Variants in GPR176 observed in about 807,000 individuals in gnomAD.
GPR176 encodes G-protein coupled receptor 176.
In GPR176, 26 loss-of-function variants were observed where a neutral mutation model predicts 35.4. The ratio of observed to expected loss-of-function variants is 0.74; its 90% CI spans 0.54 to 1.02. The LOEUF (loss-of-function observed/expected upper bound fraction) is 1.02. GPR176 is among the 50% of genes least tolerant of loss of function. The pLI, the probability that GPR176 is intolerant of heterozygous loss-of-function variation, is 0.00. For missense variants in GPR176, 597 were observed against 665.3 expected, an observed-to-expected ratio of 0.90 and a Z score of 1.13; for synonymous variants, 278 against 271.3, an observed-to-expected ratio of 1.02 and a Z score of -0.24.
intron 1 of GPR176, among the ~76,000 whole-genome samples, chr15:39,883,050 G>A (rs2032538177): frequency 6.6e-6 from 1 of 152,226 alleles, no homozygotes; most frequent in Non-Finnish European, 1.5e-5. Flanking sequence ...TGAACAGCAA[G>A]TTTGAAGATG....
chr15:39,848,855 A>AAAGCTTACTACTAAAAGC (rs1287332765), intron 1 of GPR176, among the ~76,000 whole-genome samples: 1 of 151,566 alleles, frequency 6.6e-6, no homozygotes, highest in East Asian at 1.9e-4. Context: ...AAAGCTTATA[A>AAAGCTTACTACTAAAAGC]TTAGGAATGA....
At chr15:39,849,667 T>G (rs2030714822) in intron 1 of GPR176, among the ~76,000 whole-genome samples, 1 of 152,082 alleles carries the variant, frequency 6.6e-6, no homozygotes, top group South Asian at 2.1e-4. Flanking sequence ...GGTCAATCAA[T>G]GAAGAAGAAG....
At chr15:39,910,043 A>G (rs927951048) in intron 1 of GPR176, 3 of 181,808 alleles carry the variant, frequency 1.7e-5, no homozygotes, top group Non-Finnish European at 3.2e-5. Flanking sequence ...AGGGAATATC[A>G]CCAGTGGAAG....
At chr15:39,810,173 A>T (rs1899457927) in intron 1 of GPR176, among the ~76,000 whole-genome samples, 1 of 152,010 alleles carries the variant, frequency 6.6e-6, no homozygotes, top group Non-Finnish European at 1.5e-5. Flanking sequence ...GTGATGAAAT[A>T]ATCTGTACAA....
intron 1 of GPR176, among the ~76,000 whole-genome samples, chr15:39,896,848 C>T (rs943940711): frequency 1.3e-5 from 2 of 152,138 alleles, no homozygotes; most frequent in African/African-American, 4.8e-5. Context: ...CTAGCCTGGG[C>T]AACATGGGAA....
rs549339548 is a variant in GPR176 at position 39,799,406 on chromosome 15, C to G, written c.*1726G>C. On this transcript the variant is annotated 3_prime_UTR_variant, in exon 3 of 3. Transcript: ENST00000561100. ...GAGCCGCAGGAGGCTGTGGCAGCCC[C>G]GTTTCTGCTGTGAGCAAACAGTGCT... The G allele has an allele frequency of 6.6e-6, 1 of 152,348 alleles. No individual in the cohort carries two copies. The highest frequency in any genetic ancestry group is 1.5e-5 in the Non-Finnish European group (1 of 68,152). 9.4% of individuals were successfully genotyped at this position (152,348 alleles called of 1,614,324 possible). A position where few individuals can be genotyped will look rare whatever the true frequency, so the allele number is the denominator to read the frequency against.
At chr15:39,841,728 G>A (rs1368412526) in intron 1 of GPR176, among the ~76,000 whole-genome samples, 1 of 152,112 alleles carries the variant, frequency 6.6e-6, no homozygotes, top group Non-Finnish European at 1.5e-5. Flanking sequence ...GTTGTGTTAA[G>A]CCACCCAGTT....
At chr15:39,872,911 CTGTGTGTGTGTGTG>C (rs6145533) in intron 1 of GPR176, among the ~76,000 whole-genome samples, 6,246 of 141,416 alleles carry the variant, frequency 0.044, 166 homozygotes, top group Middle Eastern at 0.089. Flanking sequence ...TCCAAAATAT[CTGTGTGTGTGTGTG>C]TGTGTGTGTG....
At chr15:39,802,288 A>T in intron 2 of GPR176, 34 bp from the exon 3 acceptor site, 1 of 1,498,880 alleles carries the variant, frequency 6.7e-7, no homozygotes, top group Non-Finnish European at 9.0e-7. Flanking sequence ...AATTCCACAG[A>T]AGATACTTTT....
chr15:39,806,835 T>C (rs1046286570), intron 2 of GPR176, among the ~76,000 whole-genome samples, 171 bp downstream of exon 2: 2 of 152,182 alleles, frequency 1.3e-5, no homozygotes, highest in South Asian at 4.1e-4. Flanking sequence ...TGTTGCTAAA[T>C]CCACCTGTCC....
intron 1 of GPR176, among the ~76,000 whole-genome samples, chr15:39,808,211 C>T (rs1015261368): frequency 6.6e-6 from 1 of 152,078 alleles, no homozygotes; most frequent in Non-Finnish European, 1.5e-5. Flanking sequence ...GTAGGGTTTT[C>T]CCCTCAACTC....
At position 39,829,115 on chromosome 15, in the gene GPR176, C is replaced by T. The variant is rs1900889916; in HGVS notation, c.173-21857G>A. The T allele has an allele frequency of 2.2e-6, 3 of 1,355,880 alleles. No individual in the cohort carries two copies. In the South Asian group the frequency reaches 3.7e-5, roughly 17 times the overall value. 84.0% of individuals were successfully genotyped at this position (1,355,880 alleles called of 1,614,324 possible). A position where few individuals can be genotyped will look rare whatever the true frequency, so the allele number is the denominator to read the frequency against. ...TAGAAATAAGAAGCAGTGGAGCTGG[C>T]ATTCAGACAGAAGCAGTTGAACTCC... is the stretch of plus-strand genomic sequence containing the variant. On this transcript the variant is annotated intron_variant, in intron 1 of 2. Transcript: ENST00000561100.
intron 1 of GPR176, among the ~76,000 whole-genome samples, chr15:39,864,339 T>A (rs1304542867): frequency 6.6e-6 from 1 of 152,150 alleles, no homozygotes; most frequent in Non-Finnish European, 1.5e-5. Flanking sequence ...AATAAAGTCA[T>A]ATATTTACAG....
chr15:39,844,517 T>C (rs1366656201), intron 1 of GPR176, among the ~76,000 whole-genome samples: 1 of 151,668 alleles, frequency 6.6e-6, no homozygotes, highest in Admixed American at 6.6e-5. Context: ...TGAAAAGAGA[T>C]CAAGAAATCT....
intron 1 of GPR176, among the ~76,000 whole-genome samples, chr15:39,844,602 A>G (rs1007752282): frequency 7.9e-5 from 12 of 151,930 alleles, no homozygotes; most frequent in Non-Finnish European, 1.5e-4. Context: ...AAAAAAAAAA[A>G]TAGATCAGGT....
chr15:39,879,629 C>T (rs537491350), intron 1 of GPR176, among the ~76,000 whole-genome samples: 5 of 152,278 alleles, frequency 3.3e-5, no homozygotes, highest in African/African-American at 1.2e-4. Context: ...TAACACTTGA[C>T]AACATCGTGC....
rs2056434163 is a variant in GPR176, at chr15:39,800,167, T to G, written c.*965A>C. ...GACCCAGCTTACACTAACTCTCCAT[T>G]TTAAAAATACCTTTTAATTCCTAAA... On this transcript the variant is annotated 3_prime_UTR_variant, in exon 3 of 3. Coordinates refer to ENST00000561100, the MANE Select transcript of GPR176 (RefSeq NM_007223.3). 1 of 152,202 alleles carries G rather than the reference T, an allele frequency of 6.6e-6. No homozygotes were observed. The highest frequency in any genetic ancestry group is 1.5e-5 in the Non-Finnish European group (1 of 68,038). The allele number at this position is 152,202 out of a possible 1,614,324, so 9.4% of individuals were successfully genotyped here. A position where few individuals can be genotyped will look rare whatever the true frequency, so the allele number is the denominator to read the frequency against.
At chr15:39,838,511 G>A (rs2140785390) in intron 1 of GPR176, among the ~76,000 whole-genome samples, 1 of 152,182 alleles carries the variant, frequency 6.6e-6, no homozygotes, top group Non-Finnish European at 1.5e-5. Flanking sequence ...TACATTAATA[G>A]CCCATAAGGG....
intron 1 of GPR176, among the ~76,000 whole-genome samples, chr15:39,836,570 C>A (rs1901411816): frequency 6.6e-6 from 1 of 152,090 alleles, no homozygotes; most frequent in Non-Finnish European, 1.5e-5. Context: ...TCAGGTATTC[C>A]TTTATAGCAA....
Sources: gnomAD v4.1 joint callset for allele counts (sites outside exome capture counted in the v4.1 genomes callset) on GRCh38, gnomAD v4.1.1 for gene constraint, MANE v1.5 for transcripts, NCBI Gene and HGNC (gene_info 2026-07-23, HGNC 2026-07-21) for gene names.